MGAT4C: variants seen among roughly 807,000 people sequenced by gnomAD.
MGAT4C encodes alpha-1,3-mannosyl-glycoprotein 4-beta-N-acetylglucosaminyltransferase C.
A neutral mutation model predicts 40.1 loss-of-function variants in MGAT4C; 19 were observed. The observed-to-expected ratio is 0.47, with a 90% CI of 0.33 to 0.70. The LOEUF (loss-of-function observed/expected upper bound fraction) is 0.70. Among genes scored for constraint, MGAT4C ranks in the 30% least tolerant of loss-of-function variants. The pLI is 0.02. For missense variants in MGAT4C, 491 were observed against 563.2 expected (o/e 0.87, Z 1.30); for synonymous variants, 181 against 187.1 (o/e 0.97, Z 0.27).
upstream of MGAT4C, among the ~76,000 whole-genome samples, chr12:86,260,238 CT>C (rs898920036): frequency 6.6e-6 from 1 of 152,072 alleles, no homozygotes; most frequent in African/African-American, 2.4e-5. Context: ...TGTAAAAACG[CT>C]TGTTGTCCAC....
intron 4 of MGAT4C, among the ~76,000 whole-genome samples, chr12:85,981,534 A>T (rs1164241574): frequency 6.6e-6 from 1 of 152,206 alleles, no homozygotes; most frequent in Non-Finnish European, 1.5e-5. Context: ...ATTGAAACAC[A>T]ATATGTTATC....
At chr12:86,416,765 G>A (rs1430180436) in intron 3 of MGAT4C, among the ~76,000 whole-genome samples, 1 of 152,076 alleles carries the variant, frequency 6.6e-6, no homozygotes, top group Non-Finnish European at 1.5e-5. Flanking sequence ...ATTATGAGTT[G>A]AATCATGTCA....
At chr12:86,449,015 A>G (rs1957382281) in intron 2 of MGAT4C, among the ~76,000 whole-genome samples, 1 of 152,210 alleles carries the variant, frequency 6.6e-6, no homozygotes, top group Non-Finnish European at 1.5e-5. Context: ...AAGCTTTTAC[A>G]AGATCTCTTG....
rs1883147176 is a variant in MGAT4C at position 85,962,214 on chromosome 12, C to T, written c.*17075G>A. 1 of 151,596 alleles carries T rather than the reference C, an allele frequency of 6.6e-6. No individual in the cohort carries two copies. Among genetic ancestry groups the T allele is most frequent in the Non-Finnish European group, 1.5e-5 (1 of 67,686 alleles). The allele number at this position is 151,596 out of a possible 1,614,324, so 9.4% of individuals were successfully genotyped here. A position where few individuals can be genotyped will look rare whatever the true frequency, so the allele number is the denominator to read the frequency against. The stretch of plus-strand genomic sequence containing the variant: ...TAGATTGTCATCTCAAGATCAGTGT[C>T]AAATACATTCATTCATGTAGTATTT... On this transcript the variant is annotated 3_prime_UTR_variant, in exon 5 of 5. Transcript: ENST00000611864.
intron 2 of MGAT4C, among the ~76,000 whole-genome samples, chr12:86,032,008 C>A (rs1890797945): frequency 6.6e-6 from 1 of 151,900 alleles, no homozygotes; most frequent in African/African-American, 2.4e-5. Context: ...CAAGTGAGAA[C>A]AGGTAGTATT....
intron 2 of MGAT4C, among the ~76,000 whole-genome samples, chr12:86,680,460 A>G (rs898286728): frequency 6.6e-6 from 1 of 151,936 alleles, no homozygotes; most frequent in Non-Finnish European, 1.5e-5. Context: ...AGTCTGGGGG[A>G]ATCCCAGATC....
chr12:86,115,219 G>A (rs919524577), intron 1 of MGAT4C, among the ~76,000 whole-genome samples: 1 of 151,914 alleles, frequency 6.6e-6, no homozygotes, highest in Admixed American at 6.6e-5. Context: ...ATAAAGACAG[G>A]AGACAAAGCT....
At chr12:86,585,420 G>A (rs962304274) in intron 2 of MGAT4C, among the ~76,000 whole-genome samples, 2 of 151,254 alleles carry the variant, frequency 1.3e-5, no homozygotes, top group Non-Finnish European at 3.0e-5. Flanking sequence ...AATGTAAAAT[G>A]ATCAAAATGA....
At chr12:86,188,012 T>C (rs563725452) in intron 1 of MGAT4C, among the ~76,000 whole-genome samples, 1 of 152,106 alleles carries the variant, frequency 6.6e-6, no homozygotes, top group Non-Finnish European at 1.5e-5. Flanking sequence ...GGATGAGATA[T>C]GTGTCCTGCT....
At chr12:86,203,894 T>G (rs1950145143) in intron 1 of MGAT4C, among the ~76,000 whole-genome samples, 2 of 150,262 alleles carry the variant, frequency 1.3e-5, no homozygotes, top group South Asian at 4.2e-4. Context: ...GAGGCAGAGG[T>G]TGCAGTGAGC....
intron 1 of MGAT4C, among the ~76,000 whole-genome samples, chr12:86,097,088 G>C (rs1430285089): frequency 6.6e-6 from 1 of 151,462 alleles, no homozygotes; most frequent in African/African-American, 2.4e-5. Flanking sequence ...TTTCAAGTTC[G>C]AGTATATTAT....
chr12:86,606,289 T>A (rs1962044327), intron 2 of MGAT4C, among the ~76,000 whole-genome samples: 1 of 152,262 alleles, frequency 6.6e-6, no homozygotes, highest in African/African-American at 2.4e-5. Context: ...AAATATAAAC[T>A]CTGACTAAGG....
chr12:86,323,201 A>G (rs186604446), intron 4 of MGAT4C, among the ~76,000 whole-genome samples: 1 of 151,542 alleles, frequency 6.6e-6, no homozygotes, highest in East Asian at 1.9e-4. Flanking sequence ...ACAATTTATA[A>G]TTTTTATATT....
chr12:86,268,048 T>G (rs1413089084), intron 4 of MGAT4C, among the ~76,000 whole-genome samples: 1 of 152,136 alleles, frequency 6.6e-6, no homozygotes, highest in African/African-American at 2.4e-5. Flanking sequence ...TCAAGGGATC[T>G]CATTAGAGAA....
intron 2 of MGAT4C, among the ~76,000 whole-genome samples, chr12:86,719,238 T>C (rs1028228547): frequency 6.6e-6 from 1 of 152,152 alleles, no homozygotes; most frequent in Non-Finnish European, 1.5e-5. Context: ...TTCAAATGTC[T>C]CATATATTGT....
chr12:86,203,353 T>C (rs1166432307), intron 1 of MGAT4C, among the ~76,000 whole-genome samples: 2 of 152,138 alleles, frequency 1.3e-5, no homozygotes, highest in Non-Finnish European at 1.5e-5. Context: ...TGACCTCTTA[T>C]AGTTTCCAGT....
chr12:86,510,984 A>T (rs1351492405), intron 2 of MGAT4C, among the ~76,000 whole-genome samples: 2 of 152,080 alleles, frequency 1.3e-5, no homozygotes, highest in Non-Finnish European at 2.9e-5. Context: ...CTCTGCACCA[A>T]GCAGACCTAA....
chr12:86,735,824 G>A (rs929332103), intron 1 of MGAT4C, among the ~76,000 whole-genome samples: 1 of 151,698 alleles, frequency 6.6e-6, no homozygotes, highest in African/African-American at 2.4e-5. Context: ...TAGCAAAATC[G>A]ACTATATCCT....
At chr12:86,303,259 G>T (rs944377224) in intron 4 of MGAT4C, among the ~76,000 whole-genome samples, 1 of 150,436 alleles carries the variant, frequency 6.6e-6, no homozygotes, top group Non-Finnish European at 1.5e-5. Flanking sequence ...AATTGATTAT[G>T]TCTGTATTCC....
Sources: gnomAD v4.1 joint callset for allele counts (sites outside exome capture counted in the v4.1 genomes callset) on GRCh38, gnomAD v4.1.1 for gene constraint, MANE v1.5 for transcripts, NCBI Gene and HGNC (gene_info 2026-07-23, HGNC 2026-07-21) for gene names.